HAUS3: variants seen among roughly 807,000 people sequenced by gnomAD.
HAUS3 encodes the protein HAUS augmin-like complex subunit 3.
Under a neutral mutation model 55.2 loss-of-function variants are expected in HAUS3, and 36 were observed. The observed-to-expected ratio is 0.65, with a 90% CI of 0.50 to 0.86. The LOEUF (loss-of-function observed/expected upper bound fraction) is 0.86, where lower values mean the gene tolerates loss of function less well. HAUS3 is among the 40% of genes least tolerant of loss of function. HAUS3 has a pLI of 0.00. For missense variants in HAUS3, 752 were observed against 671.5 expected (o/e 1.12, Z -1.33); for synonymous variants, 234 against 238.6 (o/e 0.98, Z 0.18).
At chr4:2,237,270 A>ATT (rs5855728) in intron 4 of HAUS3, among the ~76,000 whole-genome samples, 52 of 146,196 alleles carry the variant, frequency 3.6e-4, no homozygotes, top group African/African-American at 1.1e-3. Context: ...ATCTCTACAA[A>ATT]TTTTTTTTTT....
chr4:2,232,471 G>A (rs1560102633), intron 5 of HAUS3, among the ~76,000 whole-genome samples: 1 of 152,164 alleles, frequency 6.6e-6, no homozygotes, highest in African/African-American at 2.4e-5. Context: ...CTGTTTTAGA[G>A]ATTACTGATA....
Position 2,228,983 on chromosome 4 carries a change from A to T in HAUS3, c.*2944T>A. 2 of 1,019,880 alleles carry T rather than the reference A, an allele frequency of 2.0e-6. No individual in the cohort carries two copies. The highest frequency in any genetic ancestry group is 2.6e-5 in the Admixed American group (1 of 38,200). The allele number at this position is 1,019,880 out of a possible 1,614,324, so 63.2% of individuals were successfully genotyped here. ...CTCAGTCTGCACTGAATGAGTGTAA[A>T]AGGGGCGGGAGCTGGGCTTCATCTG... On this transcript the variant is annotated 3_prime_UTR_variant, in exon 6 of 6. Transcript: ENST00000443786.
At chr4:2,233,704 A>G (rs1014428116) in intron 5 of HAUS3, among the ~76,000 whole-genome samples, 1 of 152,226 alleles carries the variant, frequency 6.6e-6, no homozygotes, top group Non-Finnish European at 1.5e-5. Context: ...ATAAAAATCT[A>G]TGTCTACCTA....
Position 2,241,099 on chromosome 4 carries a change from G to A in HAUS3, c.-147-6C>T, listed in dbSNP as rs1734970993. On this transcript the variant is annotated splice_region_variant and splice_polypyrimidine_tract_variant and intron_variant, in intron 2 of 5. Coordinates refer to ENST00000443786, the MANE Select transcript of HAUS3 (RefSeq NM_001303143.2). ...AGAATCTATAATGATTCCTCCTAGG[G>A]GGGAAGAAAACAAGTATTAGACCAC... is the stretch of plus-strand genomic sequence containing the variant. The A allele has an allele frequency of 1.7e-6, 1 of 599,726 alleles. No individual in the cohort carries two copies. Among genetic ancestry groups the A allele is most frequent in the Non-Finnish European group, 2.8e-6 (1 of 356,092 alleles). 37.2% of individuals were successfully genotyped at this position (599,726 alleles called of 1,614,324 possible).
chr4:2,229,221 T>C lies in HAUS3; in HGVS notation c.*2706A>G. 3.1e-6 allele frequency: 5 copies of C among 1,597,906 alleles called. No homozygotes were observed. Among genetic ancestry groups the C allele is most frequent in the Non-Finnish European group, 4.3e-6 (5 of 1,173,462 alleles). ...GAGATCAAAGCCTACCAATGCCTCA[T>C]AATTTTCCATTTTCACAAAATCCTA... On this transcript the variant is annotated 3_prime_UTR_variant, in exon 6 of 6. Transcript: ENST00000443786.
chr4:2,232,080 C>T lies in HAUS3; in HGVS notation c.1659G>A (p.Val553=). The T allele has an allele frequency of 6.2e-7, 1 of 1,602,394 alleles. No individual in the cohort carries two copies. Among genetic ancestry groups the T allele is most frequent in the Non-Finnish European group, 8.5e-7 (1 of 1,173,632 alleles). Residue 553 remains valine, a synonymous_variant, in exon 6 of 6, where the codon GTG becomes GTA. Transcript: ENST00000443786. ...TTGCCAAAGTTTTTCTTTTTGTCTT[C>T]ACATCAGCAAGAATATCAGTGAGGA... ...NHLLTDILAD[V]KTKRKTLANN...
chr4:2,237,269 A>AG (rs1560104934), intron 4 of HAUS3, among the ~76,000 whole-genome samples: 1 of 137,332 alleles, frequency 7.3e-6, no homozygotes, highest in Non-Finnish European at 1.5e-5. Flanking sequence ...CATCTCTACA[A>AG]ATTTTTTTTT....
rs1309638603 is a variant in HAUS3, at chr4:2,231,998, C to A, written c.1741G>T (p.Asp581Tyr). 2 of 1,498,278 alleles carry A rather than the reference C, an allele frequency of 1.3e-6. No homozygotes were observed. Among genetic ancestry groups the A allele is most frequent in the Admixed American group, 1.7e-5 (1 of 57,452 alleles). 92.8% of individuals were successfully genotyped at this position (1,498,278 alleles called of 1,614,324 possible). Residue 581 changes from aspartate (D) to tyrosine (Y), a missense_variant, in exon 6 of 6, where the codon GAT becomes TAT. Asp to Tyr is a radical substitution (Grantham distance 160, BLOSUM62 -3). Transcript: ENST00000443786. The part of the protein sequence containing the change: ...EFYVYFLKDE[D>Y]YLKDIVENLE... Reference sequence around the variant, plus strand: ...TTCTCCACAATATCTTTCAGATAATCTTCATCTTTTAAAAAATATACATAG... The same window carrying A: ...TTCTCCACAATATCTTTCAGATAATATTCATCTTTTAAAAAATATACATAG...
intron 5 of HAUS3, among the ~76,000 whole-genome samples, chr4:2,233,735 AGT>A (rs1478445212): frequency 6.6e-6 from 1 of 152,206 alleles, no homozygotes; most frequent in African/African-American, 2.4e-5. Flanking sequence ...GATCTTTTCT[AGT>A]AAGTATGAAA....
Position 2,239,007 on chromosome 4 carries a change from T to C in HAUS3, c.946A>G (p.Ser316Gly), listed in dbSNP as rs143565122. ...AGTTTCATAATCTCACTGGTCAAGC[T>C]AGAAATTTTAGCATCCAAATTTTCT... ...DKENLDAKISSLTSEIMKLEK... is the reference protein window; with the variant it reads ...DKENLDAKISGLTSEIMKLEK... Residue 316 changes from serine (S) to glycine (G), a missense_variant, in exon 4 of 6, where the codon AGC (serine) becomes GGC (glycine). By Grantham distance (56) the Ser-to-Gly change is moderately conservative. Transcript: ENST00000443786. 4.0e-4 allele frequency: 615 copies of C among 1,544,920 alleles called. 1 individual carries two copies. The highest frequency in any genetic ancestry group is 5.3e-4 in the Non-Finnish European group (605 of 1,151,802).
intron 4 of HAUS3, among the ~76,000 whole-genome samples, chr4:2,236,889 T>A (rs1034237743): frequency 7.4e-4 from 111 of 149,028 alleles, no homozygotes; most frequent in African/African-American, 2.6e-3. Flanking sequence ...TAATTATAAT[T>A]ATAATAATAA....
At chr4:2,236,153 T>C in intron 5 of HAUS3, 75 bp downstream of exon 5, 1 of 831,908 alleles carries the variant, frequency 1.2e-6, no homozygotes, top group South Asian at 1.7e-5. Flanking sequence ...TTCCTCATGT[T>C]AACATTTTCT....
chr4:2,231,783 A>G lies in HAUS3; in HGVS notation c.*144T>C. 7.2e-6 allele frequency: 4 copies of G among 555,928 alleles called. No homozygotes were observed. The South Asian group carries it at 9.6e-5, about 13-fold the overall frequency. The allele number at this position is 555,928 out of a possible 1,614,324, so 34.4% of individuals were successfully genotyped here. A position where few individuals can be genotyped will look rare whatever the true frequency, so the allele number is the denominator to read the frequency against. On this transcript the variant is annotated 3_prime_UTR_variant, in exon 6 of 6. Transcript: ENST00000443786. ...TATTCTGAATGTACTACATGAGAAAAAAGACAAATTAATATAATAGTTCAA... is the reference window on the plus strand; with the variant it reads ...TATTCTGAATGTACTACATGAGAAAGAAGACAAATTAATATAATAGTTCAA...
At position 2,231,513 on chromosome 4, in the gene HAUS3, C is replaced by A. The variant is rs1734578364; in HGVS notation, c.*414G>T. 6.5e-6 allele frequency: 1 copy of A among 155,006 alleles called. No individual in the cohort carries two copies. Among genetic ancestry groups the A allele is most frequent in the African/African-American group, 2.4e-5 (1 of 41,414 alleles). 9.6% of individuals were successfully genotyped at this position (155,006 alleles called of 1,614,324 possible). ...ACTTGGGAGGCTGAGGCAGGAGAAT[C>A]ACTTGAACCCGGGAGGCAGAGGTTG... is the stretch of plus-strand genomic sequence containing the variant. On this transcript the variant is annotated 3_prime_UTR_variant, in exon 6 of 6. Transcript: ENST00000443786.
At chr4:2,239,807 A>C (rs1390171608) in intron 3 of HAUS3, among the ~76,000 whole-genome samples, 3 of 152,252 alleles carry the variant, frequency 2.0e-5, no homozygotes, top group Non-Finnish European at 4.4e-5. Flanking sequence ...CTTTTGTTTA[A>C]AATAAATTAG....
Position 2,228,665 on chromosome 4 carries a change from A to G in HAUS3, c.*3262T>C, listed in dbSNP as rs902262620. The stretch of plus-strand genomic sequence containing the variant: ...TGCTTTTACTATTATACCACATCAT[A>G]AATCCATATACACTGATCCAATAAT... On this transcript the variant is annotated 3_prime_UTR_variant, in exon 6 of 6. Coordinates refer to ENST00000443786, the MANE Select transcript of HAUS3 (RefSeq NM_001303143.2). 1.7e-5 allele frequency: 3 copies of G among 174,806 alleles called. No individual in the cohort carries two copies. Among genetic ancestry groups the G allele is most frequent in the African/African-American group, 7.2e-5 (3 of 41,516 alleles). 10.8% of individuals were successfully genotyped at this position (174,806 alleles called of 1,614,324 possible). A position where few individuals can be genotyped will look rare whatever the true frequency, so the allele number is the denominator to read the frequency against.
intron 1 of HAUS3, 74 bp downstream of exon 1, chr4:2,241,977 G>A: frequency 1.0e-6 from 1 of 985,538 alleles, no homozygotes; most frequent in Non-Finnish European, 1.2e-6. Context: ...GAGGCACCTG[G>A]GTGCAGACGG....
intron 4 of HAUS3, among the ~76,000 whole-genome samples, chr4:2,238,042 T>C (rs1445970934): frequency 1.3e-4 from 20 of 152,198 alleles, no homozygotes; most frequent in Admixed American, 1.3e-3. Context: ...GCTTTTACCC[T>C]AGTCCTGGAG....
At chr4:2,239,887 T>G in intron 3 of HAUS3, 151 bp downstream of exon 3, 1 of 644,414 alleles carries the variant, frequency 1.6e-6, no homozygotes, top group Non-Finnish European at 2.7e-6. Context: ...GTATGAAACA[T>G]TGACACAGAT....
Sources: allele counts gnomAD v4.1 joint callset (sites outside exome capture counted in the v4.1 genomes callset), GRCh38; gene constraint gnomAD v4.1.1; transcripts MANE v1.5; gene names NCBI Gene and HGNC (gene_info 2026-07-23, HGNC 2026-07-21).